RTL4: variants seen among roughly 807,000 people sequenced by gnomAD.
RTL4 encodes the protein retrotransposon Gag like 4.
RTL4 carries 4 observed loss-of-function variants against 5.3 expected under a neutral mutation model. That is an observed-to-expected ratio of 0.75 (90% CI 0.37 to 1.72). The LOEUF (loss-of-function observed/expected upper bound fraction) is 1.72. RTL4 is among the 40% of genes most tolerant of loss of function. RTL4 has a pLI of 0.04. For synonymous variants in RTL4, 98 were observed against 87.3 expected (o/e 1.12, Z -0.68); for missense variants, 260 against 227.1 (o/e 1.14, Z -0.93).
chrX:112,298,503 A>C, the RTL4 span, among the ~76,000 whole-genome samples: 1 of 111,928 alleles, frequency 8.9e-6, no homozygotes, highest in Non-Finnish European at 1.9e-5. Context: ...CATGGGAGCA[A>C]CTTACTTTAG....
At chrX:112,275,345 G>A in the RTL4 span, among the ~76,000 whole-genome samples, 1 of 111,238 alleles carries the variant, frequency 9.0e-6, no homozygotes, top group African/African-American at 3.3e-5. Flanking sequence ...GAGTGTGTCA[G>A]TTAGATTAGC....
At chrX:112,349,294 C>T in the RTL4 span, among the ~76,000 whole-genome samples, 1 of 111,484 alleles carries the variant, frequency 9.0e-6, no homozygotes, top group African/African-American at 3.2e-5. Context: ...AATCCAATTG[C>T]ACGGCCCTTT....
At chrX:112,121,392 G>T in the RTL4 span, among the ~76,000 whole-genome samples, 1 of 111,221 alleles carries the variant, frequency 9.0e-6, no homozygotes, top group Admixed American at 9.6e-5. Flanking sequence ...ACAACAAAAA[G>T]AACAAATTTC....
the RTL4 span, among the ~76,000 whole-genome samples, chrX:112,186,235 T>C: frequency 8.9e-6 from 1 of 112,025 alleles, no homozygotes; most frequent in East Asian, 2.8e-4. Flanking sequence ...ACATGTCTCC[T>C]GGGACCAATT....
At chrX:112,280,878 C>T in the RTL4 span, among the ~76,000 whole-genome samples, 2 of 111,005 alleles carry the variant, frequency 1.8e-5, no homozygotes, top group Non-Finnish European at 3.8e-5. Context: ...TTTTCAGTGA[C>T]AAATACACAT....
At chrX:112,112,619 G>T in the RTL4 span, among the ~76,000 whole-genome samples, 1 of 111,940 alleles carries the variant, frequency 8.9e-6, no homozygotes, top group African/African-American at 3.3e-5. Context: ...TAGCTAGAAA[G>T]TTCAAGAGAT....
the RTL4 span, among the ~76,000 whole-genome samples, chrX:112,158,266 G>A: frequency 7.0e-3 from 782 of 111,269 alleles, 3 homozygotes; most frequent in African/African-American, 0.025. Flanking sequence ...TATTTAAAAG[G>A]CACCTAATAT....
At chrX:112,137,522 T>A in the RTL4 span, among the ~76,000 whole-genome samples, 2 of 111,051 alleles carry the variant, frequency 1.8e-5, no homozygotes, top group East Asian at 5.6e-4. Context: ...ACACCACACA[T>A]CTTGTGAGAA....
chrX:112,333,913 T>A, the RTL4 span, among the ~76,000 whole-genome samples: 11 of 110,526 alleles, frequency 1.0e-4, no homozygotes, highest in Non-Finnish European at 1.9e-4. Context: ...CTATTTTTTG[T>A]ACCCATTAAC....
the RTL4 span, among the ~76,000 whole-genome samples, chrX:112,250,203 C>T: frequency 5.5e-5 from 6 of 108,743 alleles, no homozygotes; most frequent in African/African-American, 2.0e-4. Flanking sequence ...GGCGTGAACC[C>T]GGGAGGCGGA....
the RTL4 span, among the ~76,000 whole-genome samples, chrX:112,247,263 C>A: frequency 9.0e-6 from 1 of 111,114 alleles, no homozygotes; most frequent in Non-Finnish European, 1.9e-5. Context: ...TTATCCCCTC[C>A]AAAAAAAGGT....
the RTL4 span, among the ~76,000 whole-genome samples, chrX:112,360,863 T>C: frequency 3.6e-5 from 4 of 111,175 alleles, no homozygotes; most frequent in African/African-American, 6.5e-5. Flanking sequence ...GTTATGAAAC[T>C]CAATTCATAA....
chrX:112,393,840 G>C, the RTL4 span, among the ~76,000 whole-genome samples: 11 of 111,864 alleles, frequency 9.8e-5, no homozygotes, highest in African/African-American at 3.3e-4. Context: ...TTGCTGCTCA[G>C]CCCGCTGGAT....
chrX:112,227,665 A>G, the RTL4 span, among the ~76,000 whole-genome samples: 2 of 111,774 alleles, frequency 1.8e-5, no homozygotes, highest in Admixed American at 1.9e-4. Flanking sequence ...GCCATTTTCA[A>G]CTGTTAACAT....
At chrX:112,277,445 G>A in the RTL4 span, among the ~76,000 whole-genome samples, 1 of 111,793 alleles carries the variant, frequency 8.9e-6, no homozygotes, top group African/African-American at 3.3e-5. Context: ...GAGAACTGGA[G>A]GGAATACAAG....
the RTL4 span, among the ~76,000 whole-genome samples, chrX:112,348,701 T>G: frequency 9.0e-6 from 1 of 110,782 alleles, no homozygotes; most frequent in Non-Finnish European, 1.9e-5. Context: ...TAATTGTGCA[T>G]GTGCTGAACA....
At chrX:112,315,515 A>G in the RTL4 span, among the ~76,000 whole-genome samples, 15 of 110,644 alleles carry the variant, frequency 1.4e-4, no homozygotes, top group African/African-American at 4.9e-4. Context: ...CTGGCATTCT[A>G]CCTCTTGTTT....
At chrX:112,258,653 A>G in the RTL4 span, among the ~76,000 whole-genome samples, 4 of 110,224 alleles carry the variant, frequency 3.6e-5, no homozygotes, top group African/African-American at 9.9e-5. Flanking sequence ...CCTATGTTAC[A>G]TTTTTTCACT....
At chrX:112,234,209 T>C in the RTL4 span, among the ~76,000 whole-genome samples, 2 of 110,696 alleles carry the variant, frequency 1.8e-5, no homozygotes, top group East Asian at 5.7e-4. Context: ...TTAAATTAAA[T>C]TAAATTAAAA....
Sources: gnomAD v4.1 joint callset for allele counts (sites outside exome capture counted in the v4.1 genomes callset) on GRCh38, gnomAD v4.1.1 for gene constraint, MANE v1.5 for transcripts, NCBI Gene and HGNC (gene_info 2026-07-23, HGNC 2026-07-21) for gene names.